The following CFAP91 variants were observed in gnomAD, a reference collection of about 807,000 sequenced individuals.
The protein encoded by CFAP91 is cilia and flagella associated protein 91.
A neutral mutation model predicts 95.9 loss-of-function variants in CFAP91; 85 were observed. The observed-to-expected ratio is 0.89, with a 90% CI of 0.74 to 1.06. The LOEUF is 1.06. Ranked by LOEUF, CFAP91 falls within the 50% of genes least tolerant of loss-of-function variation. CFAP91 has a pLI of 0.00. For synonymous variants in CFAP91, 335 were observed against 327.5 expected, an observed-to-expected ratio of 1.02 and a Z score of -0.25; for missense variants, 962 against 943.4, an observed-to-expected ratio of 1.02 and a Z score of -0.26.
chr3:119,760,155 A>G (rs934114723), intron 17 of CFAP91, among the ~76,000 whole-genome samples: 2 of 151,894 alleles, frequency 1.3e-5, no homozygotes, highest in African/African-American at 4.8e-5. Flanking sequence ...TCACAGTTTA[A>G]GGACTCACAT....
chr3:119,749,642 G>T (rs904583706), intron 16 of CFAP91, among the ~76,000 whole-genome samples: 2 of 152,150 alleles, frequency 1.3e-5, no homozygotes, highest in Admixed American at 1.3e-4. Flanking sequence ...TGGGCAAGTT[G>T]AATGAGTCCT....
chr3:119,747,238 G>A lies in CFAP91; in HGVS notation c.2026G>A (p.Asp676Asn), dbSNP rs1424894321. The A allele has an allele frequency of 6.2e-7, 1 of 1,613,554 alleles. No homozygotes were observed. The highest frequency in any genetic ancestry group is 1.7e-5 in the Admixed American group (1 of 59,980). Residue 676 changes from aspartate to asparagine, a missense_variant, in exon 15 of 18, where the codon GAC becomes AAC. Asp to Asn is a conservative substitution (Grantham distance 23). Transcript: ENST00000273390. ...AGAGAAGATGGCTGAGAAAATCAAT[G>A]ACATTGCTTATGAAATGGAAAGCCG... ...EIEKMAEKINDIAYEMESRRT... is the reference protein window; with the variant it reads ...EIEKMAEKINNIAYEMESRRT...
intron 11 of CFAP91, among the ~76,000 whole-genome samples, chr3:119,737,786 A>C (rs1450977826): frequency 6.6e-6 from 1 of 152,252 alleles, no homozygotes; most frequent in Admixed American, 6.5e-5. Context: ...AGTGATGATC[A>C]GCTACCATAG....
At chr3:119,762,639 G>A (rs2107927105) in intron 17 of CFAP91, among the ~76,000 whole-genome samples, 2 of 152,030 alleles carry the variant, frequency 1.3e-5, no homozygotes, top group East Asian at 3.9e-4. Flanking sequence ...CCAATGGAAT[G>A]TAATAGAGAG....
Position 119,755,001 on chromosome 3 carries a change from C to G in CFAP91, c.*1+3903C>G, listed in dbSNP as rs568710189. Among the ~76,000 whole-genome samples the G allele has an allele frequency of 3.9e-5, 6 of 152,266 alleles. No individual in the cohort carries two copies. The South Asian group carries it at 1.2e-3, about 32-fold the overall frequency. ...AGGATCCATCACCCATTTTTTTCTT[C>G]TGATTTTTCCCTTTTGGAAGGAAAT... On this transcript the variant is annotated intron_variant, in intron 17 of 17. Coordinates refer to ENST00000273390, the MANE Select transcript of CFAP91 (RefSeq NM_033364.4).
At chr3:119,747,345 C>T (rs967026053) in intron 15 of CFAP91, 82 bp downstream of exon 15, 5 of 1,458,134 alleles carry the variant, frequency 3.4e-6, no homozygotes, top group African/African-American at 1.4e-5. Flanking sequence ...CTTACAATTT[C>T]ACCACCAAGT....
intron 6 of CFAP91, among the ~76,000 whole-genome samples, chr3:119,725,637 G>A (rs964738265): frequency 2.0e-5 from 3 of 151,942 alleles, no homozygotes; most frequent in Admixed American, 2.0e-4. Flanking sequence ...CATGCCAGTA[G>A]TCCCAGCTAC....
intron 17 of CFAP91, among the ~76,000 whole-genome samples, chr3:119,753,019 G>A (rs1488459074): frequency 6.6e-6 from 1 of 152,158 alleles, no homozygotes; most frequent in Non-Finnish European, 1.5e-5. Context: ...GAAAGGGGCA[G>A]TAGTCATGGG....
intron 14 of CFAP91, 39 bp downstream of exon 14, chr3:119,744,235 A>C: frequency 6.6e-7 from 1 of 1,517,784 alleles, no homozygotes; most frequent in Non-Finnish European, 9.0e-7. Context: ...GCTGCCTAGA[A>C]GGAGCCAAGT....
At chr3:119,750,865 C>T in intron 16 of CFAP91, 72 bp from the exon 17 acceptor site, 6 of 1,557,282 alleles carry the variant, frequency 3.9e-6, no homozygotes, top group Middle Eastern at 3.4e-4. Context: ...TCTATCATGA[C>T]TCTCTTGAAA....
intron 7 of CFAP91, among the ~76,000 whole-genome samples, chr3:119,729,441 C>G (rs1025491438): frequency 6.6e-6 from 1 of 151,856 alleles, no homozygotes; most frequent in African/African-American, 2.4e-5. Flanking sequence ...GCCAGGGGTT[C>G]GAGACCAGCC....
At chr3:119,724,744 TTTTA>T (rs201016496) in intron 6 of CFAP91, among the ~76,000 whole-genome samples, 1,738 of 152,132 alleles carry the variant, frequency 0.011, 51 homozygotes, top group Admixed American at 0.043. Context: ...TTTATTTTAT[TTTTA>T]TTTATTTAGT....
chr3:119,761,258 CTAGAAGAAATG>C (rs1185033124), intron 17 of CFAP91, among the ~76,000 whole-genome samples: 1 of 151,680 alleles, frequency 6.6e-6, no homozygotes. Flanking sequence ...TTTGGACAAT[CTAGAAGAAATG>C]GATGTCTAGA....
chr3:119,754,269 A>C (rs528452361), intron 17 of CFAP91, among the ~76,000 whole-genome samples: 1 of 152,248 alleles, frequency 6.6e-6, no homozygotes, highest in South Asian at 2.1e-4. Flanking sequence ...ACTTGCAAGC[A>C]ATGAAATTGG....
chr3:119,746,767 A>T (rs28484588), intron 14 of CFAP91, among the ~76,000 whole-genome samples: 2,420 of 152,318 alleles, frequency 0.016, 58 homozygotes, highest in African/African-American at 0.055. Context: ...TGCTACAGTT[A>T]GATAGTTTGA....
intron 17 of CFAP91, among the ~76,000 whole-genome samples, chr3:119,757,995 A>G (rs545679817): frequency 2.0e-5 from 3 of 152,312 alleles, no homozygotes; most frequent in East Asian, 3.9e-4. Flanking sequence ...GGACTTAACC[A>G]TTGACACTTC....
At position 119,707,645 on chromosome 3, in the gene CFAP91, T is replaced by A; in HGVS notation, c.359+84T>A. 2.2e-6 allele frequency: 3 copies of A among 1,341,906 alleles called. No homozygotes were observed. In the South Asian group the frequency reaches 5.7e-5, roughly 26 times the overall value. 83.1% of individuals were successfully genotyped at this position (1,341,906 alleles called of 1,614,324 possible). ...TCATTTACCATGTGTGGTTTTAAAA[T>A]GTTCAGTTGTGGTGTTATACCTAGG... On this transcript the variant is annotated intron_variant, in intron 3 of 17. Transcript: ENST00000273390.
chr3:119,731,099 G>A (rs904327391), intron 8 of CFAP91, among the ~76,000 whole-genome samples: 5 of 152,054 alleles, frequency 3.3e-5, no homozygotes, highest in East Asian at 1.9e-4. Context: ...ACAGCCTGAT[G>A]TAATGGTACA....
At chr3:119,721,419 G>T (rs1359648439) in intron 6 of CFAP91, among the ~76,000 whole-genome samples, 1 of 152,196 alleles carries the variant, frequency 6.6e-6, no homozygotes, top group Non-Finnish European at 1.5e-5. Context: ...AAAAGAAAAA[G>T]ACATTGGTAA....
Sources: allele counts gnomAD v4.1 joint callset (sites outside exome capture counted in the v4.1 genomes callset), GRCh38; gene constraint gnomAD v4.1.1; transcripts MANE v1.5; gene names NCBI Gene and HGNC (gene_info 2026-07-23, HGNC 2026-07-21).